CDKN2B-AS1: variants seen among roughly 807,000 people sequenced by gnomAD.
The protein encoded by CDKN2B-AS1 is CDKN2B and CDKN2A antisense cis and trans regulatory RNA 1.
At chr9:22,018,898 A>G (rs1198342458) in intron 1 of CDKN2B-AS1, among the ~76,000 whole-genome samples, 3 of 152,238 alleles carry the variant, frequency 2.0e-5, no homozygotes, top group African/African-American at 4.8e-5. Flanking sequence ...TATTAATTTC[A>G]AAACATGGTA....
At chr9:22,043,121 G>A (rs1286037015) in intron 1 of CDKN2B-AS1, among the ~76,000 whole-genome samples, 1 of 151,992 alleles carries the variant, frequency 6.6e-6, no homozygotes, top group Non-Finnish European at 1.5e-5. Flanking sequence ...GTTATTTGTA[G>A]TTATAATAGC....
At chr9:22,056,040 T>G (rs1421403043) in intron 3 of CDKN2B-AS1, among the ~76,000 whole-genome samples, 3 of 147,844 alleles carry the variant, frequency 2.0e-5, no homozygotes, top group Non-Finnish European at 4.5e-5. Context: ...GTTACATAGA[T>G]TTTTTTTTCT....
chr9:22,013,182 A>G (rs1000767172), intron 1 of CDKN2B-AS1, among the ~76,000 whole-genome samples: 6 of 152,098 alleles, frequency 3.9e-5, no homozygotes, highest in Non-Finnish European at 7.4e-5. Flanking sequence ...GCCCACCCCA[A>G]TGGCCTTATT....
intron 1 of CDKN2B-AS1, among the ~76,000 whole-genome samples, chr9:22,031,836 C>T (rs867845971): frequency 7.2e-5 from 11 of 152,284 alleles, no homozygotes; most frequent in African/African-American, 2.2e-4. Context: ...TTGCGACCTC[C>T]GTCTTGCCAG....
At chr9:22,107,093 G>A (rs1234483505) in intron 4 of CDKN2B-AS1, among the ~76,000 whole-genome samples, 2 of 152,186 alleles carry the variant, frequency 1.3e-5, no homozygotes. Context: ...AAGGCAGTAT[G>A]GAGTGCAGAT....
At chr9:22,010,982 A>C (rs1043060089) in intron 1 of CDKN2B-AS1, among the ~76,000 whole-genome samples, 42 of 152,336 alleles carry the variant, frequency 2.8e-4, no homozygotes, top group African/African-American at 9.4e-4. Flanking sequence ...AGAACCAATG[A>C]CTAAGTAAAA....
At chr9:22,073,731 T>C (rs1824386565) in intron 4 of CDKN2B-AS1, among the ~76,000 whole-genome samples, 1 of 152,214 alleles carries the variant, frequency 6.6e-6, no homozygotes, top group Non-Finnish European at 1.5e-5. Flanking sequence ...CTGTTTATTT[T>C]AGTTTAGATT....
At chr9:22,117,458 A>G (rs1477798993) in intron 4 of CDKN2B-AS1, 1 of 152,248 alleles carries the variant, frequency 6.6e-6, no homozygotes, top group African/African-American at 2.4e-5. Context: ...TTTCCAAGGA[A>G]GGAGAAGGAA....
At chr9:22,104,508 C>T (rs946293204) in intron 4 of CDKN2B-AS1, among the ~76,000 whole-genome samples, 2 of 152,068 alleles carry the variant, frequency 1.3e-5, no homozygotes, top group South Asian at 4.1e-4. Flanking sequence ...AAAAATTGGA[C>T]CTGACATGAA....
chr9:22,013,177 C>T (rs894657857), intron 1 of CDKN2B-AS1, among the ~76,000 whole-genome samples: 11 of 152,160 alleles, frequency 7.2e-5, no homozygotes, highest in African/African-American at 2.4e-4. Context: ...TTAGGGCCCA[C>T]CCCAATGGCC....
At position 22,001,539 on chromosome 9, in the gene CDKN2B-AS1, T is replaced by C. The variant is rs1387869524; in HGVS notation, n.29+6378T>C. On this transcript the variant is annotated intron_variant and non_coding_transcript_variant, in intron 1 of 4. Coordinates refer to ENST00000650946, the Ensembl canonical transcript of CDKN2B-AS1. The surrounding 1 kb of genome is among the most constrained non-coding windows in gnomAD (Gnocchi z 4.2). ...TTTTTGACCCATACATTAATTTTCA[T>C]TACTGTGCTTAATATACAATCCATG... is the stretch of plus-strand genomic sequence containing the variant. Among the ~76,000 whole-genome samples, 1 of 152,200 alleles carries C rather than the reference T, an allele frequency of 6.6e-6. No homozygotes were observed. Among genetic ancestry groups the C allele is most frequent in the African/African-American group, 2.4e-5 (1 of 41,456 alleles).
At chr9:22,012,267 C>T in intron 1 of CDKN2B-AS1, 5 of 1,453,708 alleles carry the variant, frequency 3.4e-6, no homozygotes, top group Non-Finnish European at 4.8e-6. Context: ...GGTATCCCCC[C>T]TGACAAGCAG....
At chr9:22,065,451 T>C (rs758310224) in intron 4 of CDKN2B-AS1, among the ~76,000 whole-genome samples, 9 of 152,180 alleles carry the variant, frequency 5.9e-5, no homozygotes, top group Non-Finnish European at 1.0e-4. Context: ...TTCATGAAGA[T>C]AGGCAAATAT....
At chr9:22,023,827 G>A (rs1822113246) in intron 1 of CDKN2B-AS1, among the ~76,000 whole-genome samples, 1 of 152,120 alleles carries the variant, frequency 6.6e-6, no homozygotes, top group African/African-American at 2.4e-5. Context: ...TTATCTGTAA[G>A]CTCCTGCAAT....
intron 1 of CDKN2B-AS1, chr9:22,032,677 A>G (rs867177614): frequency 4.0e-5 from 6 of 151,662 alleles, no homozygotes; most frequent in African/African-American, 1.5e-4. Context: ...TCCACAGGCA[A>G]TTTATAGCAC....
chr9:22,126,722 G>A (rs543373668), intron 4 of CDKN2B-AS1, among the ~76,000 whole-genome samples: 3 of 152,022 alleles, frequency 2.0e-5, no homozygotes, highest in South Asian at 4.1e-4. Context: ...ACAGGCGCCC[G>A]CCACTGCACC....
At chr9:22,034,008 C>G (rs143807680) in intron 1 of CDKN2B-AS1, among the ~76,000 whole-genome samples, 141 of 152,266 alleles carry the variant, frequency 9.3e-4, no homozygotes, top group African/African-American at 3.3e-3. Flanking sequence ...TTCCCCAAAC[C>G]ATGCTTTTTA....
chr9:22,072,715 G>C (rs1234238377), intron 4 of CDKN2B-AS1, among the ~76,000 whole-genome samples: 1 of 152,314 alleles, frequency 6.6e-6, no homozygotes, highest in Admixed American at 6.5e-5. Context: ...AATGCTAGGA[G>C]CACAAGGCAG....
intron 4 of CDKN2B-AS1, among the ~76,000 whole-genome samples, chr9:22,080,941 C>T (rs1358203811): frequency 1.3e-5 from 2 of 152,200 alleles, no homozygotes; most frequent in East Asian, 3.9e-4. Context: ...TGAGAATTAG[C>T]CTATGCTTCT....
Sources: gnomAD v4.1 joint callset for allele counts (sites outside exome capture counted in the v4.1 genomes callset) on GRCh38, gnomAD v4.1.1 for gene constraint, Gnocchi (gnomAD v3.1) non-coding constraint, MANE v1.5 for transcripts, NCBI Gene and HGNC (gene_info 2026-07-23, HGNC 2026-07-21) for gene names.